Variants in SEMA5A observed in about 807,000 individuals in gnomAD.
The protein encoded by SEMA5A is semaphorin 5A, also known as semaphorin-5A.
In SEMA5A, 55 loss-of-function variants were observed where a neutral mutation model predicts 135.5. The ratio of observed to expected loss-of-function variants is 0.41; its 90% confidence interval spans 0.33 to 0.51. The LOEUF (loss-of-function observed/expected upper bound fraction) is 0.51, where lower values mean the gene tolerates loss of function less well. Ranked by LOEUF, SEMA5A falls within the 20% of genes least tolerant of loss-of-function variation. The probability of loss-of-function intolerance (pLI) is 0.37; values close to 1 mark genes in which losing one functional copy is unlikely to be tolerated. For missense variants in SEMA5A, 1,290 were observed against 1,419.9 expected (o/e 0.91, Z 1.47); for synonymous variants, 580 against 546.5 (o/e 1.06, Z -0.85).
chr5:9,121,192 A>T (rs2150182505), intron 14 of SEMA5A, among the ~76,000 whole-genome samples: 1 of 152,370 alleles, frequency 6.6e-6, no homozygotes, highest in African/African-American at 2.4e-5. Flanking sequence ...ATCTGAGGAA[A>T]GAAGTGAATG....
At chr5:9,082,724 C>G (rs1738458734) in intron 16 of SEMA5A, among the ~76,000 whole-genome samples, 1 of 152,046 alleles carries the variant, frequency 6.6e-6, no homozygotes, top group South Asian at 2.1e-4. Flanking sequence ...TACACGGAGC[C>G]CTGGAAGCAA....
intron 3 of SEMA5A, among the ~76,000 whole-genome samples, chr5:9,359,461 T>C (rs987464561): frequency 6.6e-6 from 1 of 152,176 alleles, no homozygotes; most frequent in African/African-American, 2.4e-5. Flanking sequence ...AGATTCCCTT[T>C]ATAACATAAT....
At chr5:9,291,986 C>T (rs1027676004) in intron 5 of SEMA5A, among the ~76,000 whole-genome samples, 1 of 152,106 alleles carries the variant, frequency 6.6e-6, no homozygotes, top group African/African-American at 2.4e-5. Context: ...AAGCCCCATT[C>T]CCCTACCTGG....
At chr5:9,366,644 T>G (rs552202927) in intron 3 of SEMA5A, among the ~76,000 whole-genome samples, 27 of 152,318 alleles carry the variant, frequency 1.8e-4, no homozygotes, top group Non-Finnish European at 2.8e-4. Flanking sequence ...CGCCTTAGCC[T>G]CCCAAAGTGC....
intron 3 of SEMA5A, among the ~76,000 whole-genome samples, chr5:9,379,290 C>A (rs957634358): frequency 4.6e-5 from 7 of 151,988 alleles, no homozygotes; most frequent in Non-Finnish European, 1.0e-4. Context: ...TGTGAAGGAC[C>A]TTAAATAAAT....
At chr5:9,100,245 G>A (rs1179436370) in intron 16 of SEMA5A, among the ~76,000 whole-genome samples, 2 of 152,182 alleles carry the variant, frequency 1.3e-5, no homozygotes, top group East Asian at 1.9e-4. Context: ...ACTATGGTCA[G>A]GATTTGTTTT....
intron 8 of SEMA5A, among the ~76,000 whole-genome samples, chr5:9,222,451 G>C (rs188435646): frequency 6.6e-6 from 1 of 152,284 alleles, no homozygotes; most frequent in Non-Finnish European, 1.5e-5. Context: ...AGGAGAGAGG[G>C]TCTTCCCAAT....
At chr5:9,430,842 T>G (rs1339054065) in intron 2 of SEMA5A, among the ~76,000 whole-genome samples, 1 of 151,884 alleles carries the variant, frequency 6.6e-6, no homozygotes, top group African/African-American at 2.4e-5. Flanking sequence ...GTTTTTTTTG[T>G]TTTTTGTTTT....
In SEMA5A at chr5:9,122,638, G is replaced by A. The variant is rs753444620; in HGVS notation, c.1781+18C>T. ...TTTAATACACAGCAGCACAACTGGC[G>A]TGTTCTGAGCGGCACACCTGGAACA... On this transcript the variant is annotated intron_variant, in intron 14 of 22. Coordinates refer to ENST00000382496, the MANE Select transcript of SEMA5A (RefSeq NM_003966.3). 20 of 1,550,810 alleles carry A rather than the reference G, an allele frequency of 1.3e-5. No individual in the cohort carries two copies. The highest frequency in any genetic ancestry group is 1.9e-4 in the Middle Eastern group (1 of 5,290).
At chr5:9,137,118 C>T (rs548551009) in intron 12 of SEMA5A, among the ~76,000 whole-genome samples, 2 of 152,130 alleles carry the variant, frequency 1.3e-5, no homozygotes, top group South Asian at 2.1e-4. Flanking sequence ...TAATCATCAT[C>T]GTTATTACCA....
At chr5:9,131,608 A>C (rs1417194450) in intron 13 of SEMA5A, among the ~76,000 whole-genome samples, 1 of 5,686 alleles carries the variant, frequency 1.8e-4, no homozygotes, top group African/African-American at 4.1e-4. Flanking sequence ...ACTCCATCTC[A>C]AAAAAAAAAA....
intron 6 of SEMA5A, among the ~76,000 whole-genome samples, chr5:9,230,601 C>G (rs201347753): frequency 2.2e-4 from 34 of 152,204 alleles, no homozygotes; most frequent in Admixed American, 7.2e-4. Context: ...TGGTGTTCTT[C>G]GCAGAACGGA....
chr5:9,319,182 T>C (rs986426997), intron 4 of SEMA5A, among the ~76,000 whole-genome samples: 6 of 152,064 alleles, frequency 3.9e-5, no homozygotes, highest in Admixed American at 1.3e-4. Flanking sequence ...TCAGCCAGGG[T>C]GACAGGGCGA....
Position 9,154,500 on chromosome 5 carries a change from T to C in SEMA5A, c.1469A>G (p.Tyr490Cys). Residue 490 changes from tyrosine to cysteine, a missense_variant, in exon 12 of 23, where the codon TAC becomes TGC. By Grantham distance (194) the Tyr-to-Cys change is radical (BLOSUM62 -2). Transcript: ENST00000382496. ...VKIPLKRCQF[Y>C]RTRSTCIGAQ... The stretch of plus-strand genomic sequence containing the variant: ...GGAGATGCCCTACCTGCGTGTGCGG[T>C]AGAACTGGCACCTCTTCAGGGGGAT... 1.2e-6 allele frequency: 2 copies of C among 1,611,926 alleles called. No homozygotes were observed. Among genetic ancestry groups the C allele is most frequent in the Non-Finnish European group, 1.7e-6 (2 of 1,179,928 alleles).
intron 2 of SEMA5A, among the ~76,000 whole-genome samples, chr5:9,420,430 C>T (rs1476419338): frequency 2.6e-5 from 4 of 152,096 alleles, no homozygotes; most frequent in Non-Finnish European, 5.9e-5. Flanking sequence ...AGGGTTACTC[C>T]TATGCTGGAG....
At chr5:9,438,850 C>T (rs1448954217) in intron 1 of SEMA5A, among the ~76,000 whole-genome samples, 1 of 152,202 alleles carries the variant, frequency 6.6e-6, no homozygotes, top group Non-Finnish European at 1.5e-5. Context: ...GATCCGAGGC[C>T]ATCTGCCTGC....
intron 4 of SEMA5A, among the ~76,000 whole-genome samples, chr5:9,327,651 C>T (rs2150693212): frequency 6.6e-6 from 1 of 152,230 alleles, no homozygotes; most frequent in East Asian, 1.9e-4. Context: ...GCCAGCAAAT[C>T]TTAGAGATAT....
intron 8 of SEMA5A, among the ~76,000 whole-genome samples, chr5:9,212,539 C>A (rs1420203268): frequency 6.6e-6 from 1 of 152,078 alleles, no homozygotes; most frequent in Non-Finnish European, 1.5e-5. Flanking sequence ...TAAATAATGG[C>A]TGGAAATGGG....
At chr5:9,058,927 A>G (rs1254754001) in intron 18 of SEMA5A, among the ~76,000 whole-genome samples, 1 of 152,190 alleles carries the variant, frequency 6.6e-6, no homozygotes, top group Non-Finnish European at 1.5e-5. Flanking sequence ...TATGGACTCA[A>G]GGACTCCAAG....
Sources: gnomAD v4.1 joint callset for allele counts (sites outside exome capture counted in the v4.1 genomes callset) on GRCh38, gnomAD v4.1.1 for gene constraint, MANE v1.5 for transcripts, NCBI Gene and HGNC (gene_info 2026-07-23, HGNC 2026-07-21) for gene names.